The following CNTNAP3 variants were observed in gnomAD, a reference collection of about 807,000 sequenced individuals.
CNTNAP3 encodes the protein contactin-associated protein-like 3.
A neutral mutation model predicts 92.1 loss-of-function variants in CNTNAP3; 36 were observed. The ratio of observed to expected loss-of-function variants is 0.39; its 90% CI spans 0.30 to 0.52. The LOEUF (loss-of-function observed/expected upper bound fraction) is 0.52. Ranked by LOEUF, CNTNAP3 falls within the 20% of genes least tolerant of loss-of-function variation. The probability of loss-of-function intolerance (pLI) is 0.76; values close to 1 mark genes in which losing one functional copy is unlikely to be tolerated. For synonymous variants in CNTNAP3, 232 were observed against 422.3 expected (o/e 0.55, Z 5.53); for missense variants, 534 against 1,069.6 (o/e 0.50, Z 6.98).
At chr9:39,075,952 G>A (rs1325983412) in intron 23 of CNTNAP3, among the ~76,000 whole-genome samples, 19 of 152,340 alleles carry the variant, frequency 1.2e-4, no homozygotes, top group African/African-American at 4.3e-4. Context: ...TGCCTACATC[G>A]TACATTTAAA....
chr9:39,114,953 TACAC>T (rs1264324428), intron 14 of CNTNAP3, among the ~76,000 whole-genome samples: 1 of 151,052 alleles, frequency 6.6e-6, no homozygotes, highest in Non-Finnish European at 1.5e-5. Context: ...TATACATTTA[TACAC>T]ATATATTGAC....
intron 18 of CNTNAP3, among the ~76,000 whole-genome samples, chr9:39,097,142 A>G (rs1481879270): frequency 3.3e-5 from 5 of 151,992 alleles, no homozygotes; most frequent in Non-Finnish European, 5.9e-5. Flanking sequence ...TCTCTGTTAA[A>G]CTTCCCTGGC....
chr9:39,128,771 T>C lies in CNTNAP3; in HGVS notation c.2080+4161A>G, dbSNP rs145821549. Among the ~76,000 whole-genome samples the C allele has an allele frequency of 4.2e-4, 64 of 151,454 alleles. 2 individuals are homozygous for C. In the East Asian group the frequency reaches 7.5e-3, roughly 18 times the overall value. On this transcript the variant is annotated intron_variant, in intron 13 of 23. Coordinates refer to ENST00000297668, the MANE Select transcript of CNTNAP3 (RefSeq NM_033655.5). ...CTTGCAGATGACATGATTTTCCATATAGAAAATCCCAAGGAAACTAAAAAA... is the reference window on the plus strand; with the variant it reads ...CTTGCAGATGACATGATTTTCCATACAGAAAATCCCAAGGAAACTAAAAAA...
At chr9:39,091,304 A>G in intron 18 of CNTNAP3, among the ~76,000 whole-genome samples, 1 of 152,110 alleles carries the variant, frequency 6.6e-6, no homozygotes, top group Non-Finnish European at 1.5e-5. Flanking sequence ...AGTCTTTAAA[A>G]CTAAATATAA....
intron 18 of CNTNAP3, among the ~76,000 whole-genome samples, chr9:39,089,152 A>T (rs1407093485): frequency 0.027 from 2,460 of 90,650 alleles, 4 homozygotes; most frequent in East Asian, 0.053. Flanking sequence ...CCCTCCCCCG[A>T]GCACCTTCTT....
chr9:39,068,196 G>C lies in CNTNAP3; in HGVS notation c.*5694C>G, dbSNP rs1459908265. ...GGGCAGATCATGAGATCCAGAGATCGAGACCATCCTGGCTAACACGGTGAA... is the reference window on the plus strand; with the variant it reads ...GGGCAGATCATGAGATCCAGAGATCCAGACCATCCTGGCTAACACGGTGAA... On this transcript the variant is annotated 3_prime_UTR_variant, in exon 24 of 24. Transcript: ENST00000297668. Among the ~76,000 whole-genome samples the C allele has an allele frequency of 6.6e-6, 1 of 151,584 alleles. No individual in the cohort carries two copies. Among genetic ancestry groups the C allele is most frequent in the Non-Finnish European group, 1.5e-5 (1 of 68,000 alleles).
chr9:39,096,778 T>C (rs1287757872), intron 18 of CNTNAP3, among the ~76,000 whole-genome samples: 1 of 151,760 alleles, frequency 6.6e-6, no homozygotes. Context: ...TCCTTGTATA[T>C]ATGATTTTTC....
rs1180601740 is a variant in CNTNAP3, at chr9:39,140,563, C to A, written c.1832G>T (p.Gly611Val). Residue 611 changes from glycine (G) to valine (V), a missense_variant, in exon 12 of 24, where the codon GGA becomes GTA. By Grantham distance (109) the Gly-to-Val change is moderately radical. Coordinates refer to ENST00000297668, the MANE Select transcript of CNTNAP3 (RefSeq NM_033655.5). The part of the protein sequence containing the change: ...PSGLYYIDAD[G>V]SGPLGPFLVY... ...AAGAAATGGTCCCAGGGGGCCACTTCCATCTGCATCAATATAGTAAAGCCC... is the reference window on the plus strand; with the variant it reads ...AAGAAATGGTCCCAGGGGGCCACTTACATCTGCATCAATATAGTAAAGCCC... The A allele has an allele frequency of 1.9e-6, 3 of 1,613,814 alleles. No homozygotes were observed. In the Admixed American group the frequency reaches 5.0e-5, roughly 27 times the overall value.
intron 14 of CNTNAP3, among the ~76,000 whole-genome samples, chr9:39,112,318 G>C (rs561856506): frequency 6.6e-6 from 1 of 152,040 alleles, no homozygotes; most frequent in East Asian, 1.9e-4. Flanking sequence ...ATAAGTTTGG[G>C]AGGTTGCAAA....
rs375350254 is a variant in CNTNAP3, at chr9:39,067,628, C to T, written c.*6262G>A. Among the ~76,000 whole-genome samples the T allele has an allele frequency of 1.1e-4, 17 of 152,412 alleles. No homozygotes were observed. The East Asian group carries it at 3.1e-3, about 28-fold the overall frequency. The stretch of plus-strand genomic sequence containing the variant: ...TAGCAGGATGGTCTCCATCTCCCGA[C>T]CTCGTGATCTGCCTGCCTCGACCTC... On this transcript the variant is annotated 3_prime_UTR_variant, in exon 24 of 24. Transcript: ENST00000297668.
In CNTNAP3 at chr9:39,066,550, TA is replaced by T. The variant is rs1825513487; in HGVS notation, c.*7339del. Among the ~76,000 whole-genome samples, 1 of 152,274 alleles carries T rather than the reference TA, an allele frequency of 6.6e-6. No homozygotes were observed. The highest frequency in any genetic ancestry group is 1.5e-5 in the Non-Finnish European group (1 of 68,046). ...TCTCATAGTCCAGGTTTGCTGATAATATATTACTTTTAACTTTTCTATGTCT... is the reference window on the plus strand; with the variant it reads ...TCTCATAGTCCAGGTTTGCTGATAATTATTACTTTTAACTTTTCTATGTCT... On this transcript the variant is annotated 3_prime_UTR_variant, in exon 24 of 24. Coordinates refer to ENST00000297668, the MANE Select transcript of CNTNAP3 (RefSeq NM_033655.5).
At chr9:39,121,223 ACT>A (rs1447853833) in intron 13 of CNTNAP3, among the ~76,000 whole-genome samples, 2 of 152,038 alleles carry the variant, frequency 1.3e-5, no homozygotes, top group African/African-American at 4.8e-5. Flanking sequence ...GAAAAAATAC[ACT>A]CTGCAAAAAT....
At chr9:39,119,602 C>T (rs1001224832) in intron 13 of CNTNAP3, among the ~76,000 whole-genome samples, 13 of 152,028 alleles carry the variant, frequency 8.6e-5, no homozygotes, top group African/African-American at 2.9e-4. Context: ...CCCATATTCC[C>T]CATAAAGTAG....
At position 39,066,956 on chromosome 9, in the gene CNTNAP3, C is replaced by T. The variant is rs1462335295; in HGVS notation, c.*6934G>A. Among the ~76,000 whole-genome samples the T allele has an allele frequency of 6.6e-6, 1 of 152,252 alleles. No individual in the cohort carries two copies. Among genetic ancestry groups the T allele is most frequent in the South Asian group, 2.1e-4 (1 of 4,832 alleles). ...AAATATTTTTTTCTATCCATCCACT[C>T]TCTTTTCTCCTTTGAGAACTCCAAA... On this transcript the variant is annotated 3_prime_UTR_variant, in exon 24 of 24. Coordinates refer to ENST00000297668, the MANE Select transcript of CNTNAP3 (RefSeq NM_033655.5).
intron 17 of CNTNAP3, among the ~76,000 whole-genome samples, chr9:39,101,803 T>C (rs1826461565): frequency 6.6e-6 from 1 of 152,040 alleles, no homozygotes; most frequent in Non-Finnish European, 1.5e-5. Context: ...AAATGTCTAA[T>C]GATCTCACTA....
Position 39,067,041 on chromosome 9 carries a change from T to G in CNTNAP3, c.*6849A>C, listed in dbSNP as rs1479862648. 5.0e-4 allele frequency among the ~76,000 whole-genome samples: 68 copies of G among 137,208 alleles called. No individual in the cohort carries two copies. The South Asian group carries it at 0.016, about 32-fold the overall frequency. The allele number at this position is 137,208 out of a possible 152,430, so 90.0% of individuals were successfully genotyped here. A position where few individuals can be genotyped will look rare whatever the true frequency, so the allele number is the denominator to read the frequency against. ...GATCACCGATACTCTGATTATTCTT[T>G]GTTTTTTTTCTGTCTCTGTTTCATT... On this transcript the variant is annotated 3_prime_UTR_variant, in exon 24 of 24. Transcript: ENST00000297668.
intron 12 of CNTNAP3, among the ~76,000 whole-genome samples, chr9:39,134,620 G>T (rs974465367): frequency 6.6e-6 from 1 of 152,062 alleles, no homozygotes; most frequent in Non-Finnish European, 1.5e-5. Flanking sequence ...AGAGACGGGG[G>T]TTTCACCATG....
rs182796788 is a variant in CNTNAP3 at position 39,096,880 on chromosome 9, T to C, written c.2995+3031A>G. On this transcript the variant is annotated intron_variant, in intron 18 of 23. Coordinates refer to ENST00000297668, the MANE Select transcript of CNTNAP3 (RefSeq NM_033655.5). The stretch of plus-strand genomic sequence containing the variant: ...TATAAACTTCTTTGTGTCATCTGTA[T>C]TTCACTGAGTTTCTGTATCTTAGAT... 5.5e-4 allele frequency among the ~76,000 whole-genome samples: 81 copies of C among 148,132 alleles called. 1 individual carries two copies. Among genetic ancestry groups the C allele is most frequent in the Admixed American group, 5.4e-3 (81 of 14,996 alleles).
chr9:39,139,482 T>C (rs1303664334), intron 12 of CNTNAP3, among the ~76,000 whole-genome samples: 2 of 152,246 alleles, frequency 1.3e-5, no homozygotes, highest in African/African-American at 4.8e-5. Context: ...TTGGCAATCT[T>C]TGCTAAGGCA....
Sources: allele counts gnomAD v4.1 joint callset (sites outside exome capture counted in the v4.1 genomes callset), GRCh38; gene constraint gnomAD v4.1.1; transcripts MANE v1.5; gene names NCBI Gene and HGNC (gene_info 2026-07-23, HGNC 2026-07-21).